ADGRL4: variants seen among roughly 807,000 people sequenced by gnomAD.
ADGRL4 encodes the protein adhesion G protein-coupled receptor L4, also known as EGF, latrophilin and seven transmembrane domain containing 1.
A neutral mutation model predicts 74.8 loss-of-function variants in ADGRL4; 90 were observed. The ratio of observed to expected loss-of-function variants is 1.20; its 90% CI spans 1.02 to 1.43. The LOEUF is 1.43. Ranked by LOEUF, ADGRL4 falls within the 40% of genes most tolerant of loss-of-function variation. The probability of loss-of-function intolerance (pLI) is 0.00; values close to 1 mark genes in which losing one functional copy is unlikely to be tolerated. For missense variants in ADGRL4, 881 were observed against 814.3 expected (o/e 1.08, Z -1.00); for synonymous variants, 311 against 279.2 (o/e 1.11, Z -1.14).
intron 12 of ADGRL4, among the ~76,000 whole-genome samples, chr1:78,893,405 T>G (rs1469075525): frequency 6.6e-6 from 1 of 151,956 alleles, no homozygotes; most frequent in African/African-American, 2.4e-5. Context: ...ACCTAAAGAT[T>G]GATGAGTATC....
At chr1:78,991,456 A>C (rs1032524814) in intron 2 of ADGRL4, among the ~76,000 whole-genome samples, 2 of 151,992 alleles carry the variant, frequency 1.3e-5, no homozygotes, top group Non-Finnish European at 2.9e-5. Flanking sequence ...CGGTTAAATA[A>C]ACTAACACTT....
At chr1:78,995,998 TA>T (rs1490062362) in intron 2 of ADGRL4, among the ~76,000 whole-genome samples, 1 of 152,174 alleles carries the variant, frequency 6.6e-6, no homozygotes, top group Non-Finnish European at 1.5e-5. Flanking sequence ...GTCCAATAAT[TA>T]AAACGTGGAG....
chr1:78,943,591 G>C (rs527361577), intron 3 of ADGRL4, among the ~76,000 whole-genome samples: 135 of 152,210 alleles, frequency 8.9e-4, no homozygotes, highest in African/African-American at 3.1e-3. Context: ...ATAATTACCA[G>C]AAATGTCAAA....
intron 2 of ADGRL4, among the ~76,000 whole-genome samples, chr1:78,962,103 A>C (rs1292453938): frequency 6.6e-6 from 1 of 151,818 alleles, no homozygotes; most frequent in South Asian, 2.1e-4. Flanking sequence ...CTGGTCTCGA[A>C]CTCCTGACCT....
intron 12 of ADGRL4, among the ~76,000 whole-genome samples, chr1:78,913,687 T>C (rs1117463): frequency 0.99 from 149,951 of 151,998 alleles, 74,004 homozygotes; most frequent in Middle Eastern, 1. Context: ...GGCTTAATAC[T>C]TGCATGATGA....
chr1:78,920,125 A>G, intron 10 of ADGRL4, 58 bp downstream of exon 10: 1 of 1,261,618 alleles, frequency 7.9e-7, no homozygotes, highest in African/African-American at 1.5e-5. Flanking sequence ...TAGGACATAT[A>G]CATTTAAGAA....
chr1:78,925,572 G>T (rs963104362), intron 8 of ADGRL4, among the ~76,000 whole-genome samples: 19 of 151,936 alleles, frequency 1.3e-4, no homozygotes, highest in African/African-American at 4.1e-4. Context: ...GGGAAAAAAT[G>T]GGAGCGAAAT....
chr1:78,966,260 G>A (rs553215155), intron 2 of ADGRL4, among the ~76,000 whole-genome samples: 75 of 152,222 alleles, frequency 4.9e-4, no homozygotes, highest in Non-Finnish European at 9.3e-4. Flanking sequence ...ATCTGTGATC[G>A]GGGAAGCACA....
chr1:79,006,636 G>T lies in ADGRL4; in HGVS notation c.19C>A (p.Leu7Ile). 1.3e-6 allele frequency: 2 copies of T among 1,523,762 alleles called. No individual in the cohort carries two copies. The highest frequency in any genetic ancestry group is 1.4e-5 in the African/African-American group (1 of 69,634). The allele number at this position is 1,523,762 out of a possible 1,614,324, so 94.4% of individuals were successfully genotyped here. Reference sequence around the variant, plus strand: ...ACCAGGGGCGCTGAGCACTCACCTAGGAGCGGGAGGCGTTTCATTGGCGGT... The same window carrying T: ...ACCAGGGGCGCTGAGCACTCACCTATGAGCGGGAGGCGTTTCATTGGCGGT... Reference protein sequence around the residue: MKRLPLLVVFSTLLNCS... With the variant: MKRLPLIVVFSTLLNCS... The change falls in exon 1 of 15, where the codon CTA (leucine) becomes ATA (isoleucine). Residue 7 changes from leucine (L) to isoleucine (I), a missense_variant. Transcript: ENST00000370742.
At chr1:78,967,125 CAT>C (rs907480262) in intron 2 of ADGRL4, among the ~76,000 whole-genome samples, 5 of 152,122 alleles carry the variant, frequency 3.3e-5, no homozygotes, top group African/African-American at 1.2e-4. Context: ...TTTCAGTTCA[CAT>C]GACTTTAATC....
intron 3 of ADGRL4, among the ~76,000 whole-genome samples, chr1:78,942,092 C>T (rs1051783627): frequency 5.9e-5 from 8 of 134,742 alleles, no homozygotes; most frequent in Admixed American, 1.7e-4. Context: ...CCCTGCTGCT[C>T]GGGAGGCTGA....
At chr1:78,937,087 T>C (rs1649369599) in intron 6 of ADGRL4, among the ~76,000 whole-genome samples, 1 of 152,238 alleles carries the variant, frequency 6.6e-6, no homozygotes, top group African/African-American at 2.4e-5. Context: ...GGAAACATTC[T>C]AATTTGCTAT....
rs149262212 is a variant in ADGRL4 at position 79,006,146 on chromosome 1, C to T, written c.22+487G>A. ...AAACAGTCATCTAACATTAGTTGTC[C>T]TTATCAGGTACCAAGAGATTCTTAA... is the stretch of plus-strand genomic sequence containing the variant. On this transcript the variant is annotated intron_variant, in intron 1 of 14. Transcript: ENST00000370742. Among the ~76,000 whole-genome samples, 413 of 152,312 alleles carry T rather than the reference C, an allele frequency of 2.7e-3. 1 individual carries two copies. The highest frequency in any genetic ancestry group is 4.4e-3 in the Non-Finnish European group (300 of 68,038).
chr1:78,971,865 C>T (rs1166084790), intron 2 of ADGRL4, among the ~76,000 whole-genome samples: 3 of 152,172 alleles, frequency 2.0e-5, no homozygotes, highest in African/African-American at 4.8e-5. Flanking sequence ...AAGTGGTTCT[C>T]CTGCCTCAGC....
At position 79,005,131 on chromosome 1, in the gene ADGRL4, A is replaced by T; in HGVS notation, c.111T>A (p.Asn37Lys). 1 of 1,613,656 alleles carries T rather than the reference A, an allele frequency of 6.2e-7. No homozygotes were observed. The highest frequency in any genetic ancestry group is 1.1e-5 in the South Asian group (1 of 91,034). Residue 37 changes from asparagine to lysine, a missense_variant, in exon 2 of 15, where the codon AAT (asparagine) becomes AAA (lysine). Physicochemically the swap from Asn to Lys is moderately conservative, Grantham distance 94. Transcript: ENST00000370742. Reference sequence around the variant, plus strand: ...TGTTGCAATAGCAGGCTTCAATTCCATTGCGTATTTCACATTTTGCATTTG... The same window carrying T: ...TGTTGCAATAGCAGGCTTCAATTCCTTTGCGTATTTCACATTTTGCATTTG... Reference protein sequence around the residue: ...CLPNAKCEIRNGIEACYCNMG... With the variant: ...CLPNAKCEIRKGIEACYCNMG...
intron 7 of ADGRL4, among the ~76,000 whole-genome samples, chr1:78,929,558 A>T (rs12026854): frequency 0.091 from 13,758 of 151,338 alleles, 1,029 homozygotes; most frequent in East Asian, 0.33. Context: ...TAGACCTCCT[A>T]TATTTTCCTA....
At chr1:78,901,706 G>C (rs989397059) in intron 12 of ADGRL4, among the ~76,000 whole-genome samples, 5 of 152,120 alleles carry the variant, frequency 3.3e-5, no homozygotes, top group African/African-American at 9.7e-5. Context: ...ACAGTGTTTG[G>C]TCACCTATTG....
chr1:78,906,745 T>C (rs1195551335), intron 12 of ADGRL4, among the ~76,000 whole-genome samples: 2 of 151,966 alleles, frequency 1.3e-5, no homozygotes, highest in African/African-American at 4.8e-5. Flanking sequence ...ACCTTTAAGG[T>C]ATAAAAACTT....
intron 8 of ADGRL4, among the ~76,000 whole-genome samples, chr1:78,922,244 G>T (rs1185554228): frequency 6.6e-6 from 1 of 151,954 alleles, no homozygotes; most frequent in African/African-American, 2.4e-5. Flanking sequence ...GATATGGAGG[G>T]TTGTCCAAGG....
Sources: allele counts gnomAD v4.1 joint callset (sites outside exome capture counted in the v4.1 genomes callset), GRCh38; gene constraint gnomAD v4.1.1; transcripts MANE v1.5; gene names NCBI Gene and HGNC (gene_info 2026-07-23, HGNC 2026-07-21).